Variants in CHODL observed in about 807,000 individuals in gnomAD.
CHODL encodes chondrolectin.
In CHODL, 29 loss-of-function variants were observed where a neutral mutation model predicts 34.5. That is an observed-to-expected ratio of 0.84 (90% CI 0.63 to 1.15). The LOEUF (loss-of-function observed/expected upper bound fraction) is 1.15, where lower values mean the gene tolerates loss of function less well. Among genes scored for constraint, CHODL ranks in the 50% most tolerant of loss-of-function variants. CHODL has a pLI of 0.00. For missense variants in CHODL, 332 were observed against 332.5 expected, an observed-to-expected ratio of 1.00 and a Z score of 0.01; for synonymous variants, 125 against 116.1, an observed-to-expected ratio of 1.08 and a Z score of -0.49.
chr21:18,245,169 C>A lies in CHODL; in HGVS notation c.-55C>A. Reference sequence around the variant, plus strand: ...CAGAGTCAGAGTCGCGGGCTGCGCCCTGGGCAGAGGCCGCCCTCGCTCCAC... The same window carrying A: ...CAGAGTCAGAGTCGCGGGCTGCGCCATGGGCAGAGGCCGCCCTCGCTCCAC... On this transcript the variant is annotated 5_prime_UTR_variant, in exon 1 of 6. The change creates a new upstream start codon in the 5' untranslated region. Coordinates refer to ENST00000299295, the MANE Select transcript of CHODL (RefSeq NM_024944.3). 7.0e-7 allele frequency: 1 copy of A among 1,434,020 alleles called. No individual in the cohort carries two copies. The highest frequency in any genetic ancestry group is 9.3e-7 in the Non-Finnish European group (1 of 1,076,180). 88.8% of individuals were successfully genotyped at this position (1,434,020 alleles called of 1,614,324 possible).
At chr21:18,224,889 T>C (rs1233750074) in intron 2 of CHODL, among the ~76,000 whole-genome samples, 1 of 152,164 alleles carries the variant, frequency 6.6e-6, no homozygotes, top group East Asian at 1.9e-4. Context: ...CACTGCTTGT[T>C]CTTTTCATCA....
At chr21:18,029,722 G>A (rs1204250879) in intron 2 of CHODL, among the ~76,000 whole-genome samples, 2 of 152,114 alleles carry the variant, frequency 1.3e-5, no homozygotes, top group Non-Finnish European at 2.9e-5. Context: ...CTGTCTCAAT[G>A]CCCTAGCAGC....
intron 2 of CHODL, among the ~76,000 whole-genome samples, chr21:18,221,178 A>C (rs914092143): frequency 1.3e-5 from 2 of 151,968 alleles, no homozygotes; most frequent in African/African-American, 4.8e-5. Context: ...CTTTTGTTGA[A>C]GCTCTCAATT....
chr21:17,936,550 C>T (rs1177858736), intron 1 of CHODL, among the ~76,000 whole-genome samples: 1 of 150,914 alleles, frequency 6.6e-6, no homozygotes, highest in Non-Finnish European at 1.5e-5. Context: ...GAATGTGAAA[C>T]AGATCCAATG....
In CHODL at chr21:18,265,846, G is replaced by A. The variant is rs116532293; in HGVS notation, c.738-108G>A. 1,835 of 776,366 alleles carry A rather than the reference G, an allele frequency of 2.4e-3. 27 individuals carry two copies. The African/African-American group carries it at 0.029, about 12-fold the overall frequency. The allele number at this position is 776,366 out of a possible 1,614,324, so 48.1% of individuals were successfully genotyped here. On this transcript the variant is annotated intron_variant, in intron 5 of 5. Transcript: ENST00000299295. Reference sequence around the variant, plus strand: ...AGAATGGGAAAATATACTGCTGAGAGGGGGAGTCTTTCATAAATAACTGTC... The same window carrying A: ...AGAATGGGAAAATATACTGCTGAGAAGGGGAGTCTTTCATAAATAACTGTC...
chr21:18,074,770 A>G (rs1236690676), intron 2 of CHODL, among the ~76,000 whole-genome samples: 1 of 152,190 alleles, frequency 6.6e-6, no homozygotes, highest in Non-Finnish European at 1.5e-5. Flanking sequence ...GGAAGTCTTC[A>G]GGCTGAGTCA....
chr21:18,262,767 C>T (rs374118951), intron 4 of CHODL, 24 bp from the exon 5 acceptor site: 91 of 1,293,600 alleles, frequency 7.0e-5, no homozygotes, highest in Non-Finnish European at 8.7e-5. Context: ...TATCTTTTCA[C>T]ATGAAGACTG....
At chr21:17,966,244 AC>A (rs1333740544) in intron 1 of CHODL, among the ~76,000 whole-genome samples, 1 of 152,166 alleles carries the variant, frequency 6.6e-6, no homozygotes. Context: ...AGTTGTAAAC[AC>A]AGTTTAGAAA....
chr21:17,955,437 T>G (rs555124667), intron 1 of CHODL, among the ~76,000 whole-genome samples: 1 of 137,642 alleles, frequency 7.3e-6, no homozygotes, highest in East Asian at 2.2e-4. Context: ...TCCTTTCTCT[T>G]GAAATCTTAC....
intron 2 of CHODL, among the ~76,000 whole-genome samples, chr21:18,028,930 A>C (rs1363088814): frequency 1.3e-5 from 2 of 152,164 alleles, no homozygotes; most frequent in African/African-American, 4.8e-5. Context: ...AAATGAAAGT[A>C]GATTTTATAA....
At chr21:18,218,206 A>C (rs564190559) in intron 2 of CHODL, among the ~76,000 whole-genome samples, 29 of 152,254 alleles carry the variant, frequency 1.9e-4, no homozygotes, top group Non-Finnish European at 4.1e-4. Context: ...CTGACCTAGC[A>C]GAGGTTCTCC....
intron 1 of CHODL, among the ~76,000 whole-genome samples, chr21:18,000,543 C>T (rs2063895303): frequency 6.6e-6 from 1 of 152,138 alleles, no homozygotes; most frequent in African/African-American, 2.4e-5. Flanking sequence ...GTTTGTGTCT[C>T]TTGTTCTAGT....
intron 2 of CHODL, among the ~76,000 whole-genome samples, chr21:18,136,430 T>C (rs1363171226): frequency 6.6e-6 from 1 of 152,122 alleles, no homozygotes; most frequent in African/African-American, 2.4e-5. Flanking sequence ...TTCTATTCCC[T>C]TTTAAAATGC....
At chr21:18,057,396 A>G (rs182633592) in intron 2 of CHODL, among the ~76,000 whole-genome samples, 41 of 152,142 alleles carry the variant, frequency 2.7e-4, no homozygotes, top group African/African-American at 9.6e-4. Flanking sequence ...AAATGTACAT[A>G]CAGAGAGTTC....
At chr21:18,055,561 C>T (rs568318920) in intron 2 of CHODL, among the ~76,000 whole-genome samples, 2 of 152,040 alleles carry the variant, frequency 1.3e-5, no homozygotes, top group African/African-American at 2.4e-5. Flanking sequence ...GGAAAGTTAG[C>T]GACAGATCAC....
At chr21:18,088,813 T>G (rs886494068) in intron 2 of CHODL, among the ~76,000 whole-genome samples, 1 of 152,226 alleles carries the variant, frequency 6.6e-6, no homozygotes, top group Non-Finnish European at 1.5e-5. Context: ...ATCTGGCTTC[T>G]TTTTGCTATT....
At chr21:18,031,364 A>G (rs927072248) in intron 2 of CHODL, among the ~76,000 whole-genome samples, 1 of 152,106 alleles carries the variant, frequency 6.6e-6, no homozygotes, top group Non-Finnish European at 1.5e-5. Context: ...ATTGGAACCT[A>G]TATTTAACAG....
chr21:18,240,754 G>A (rs145969122), upstream of CHODL, among the ~76,000 whole-genome samples: 1,460 of 152,186 alleles, frequency 9.6e-3, 24 homozygotes, highest in African/African-American at 0.034. Context: ...AATTTTAATT[G>A]AGTTGATAGT....
At chr21:17,946,866 CTT>C (rs2063413876) in intron 1 of CHODL, among the ~76,000 whole-genome samples, 1 of 152,212 alleles carries the variant, frequency 6.6e-6, no homozygotes, top group Non-Finnish European at 1.5e-5. Context: ...CTTTCAATGT[CTT>C]TTAATTGGAG....
Sources: allele counts gnomAD v4.1 joint callset (sites outside exome capture counted in the v4.1 genomes callset), GRCh38; gene constraint gnomAD v4.1.1; transcripts MANE v1.5; gene names NCBI Gene and HGNC (gene_info 2026-07-23, HGNC 2026-07-21).